The following YIPF7 variants were observed in gnomAD, a reference collection of about 807,000 sequenced individuals.
YIPF7 encodes protein YIPF7.
In YIPF7, 35 loss-of-function variants were observed where a neutral mutation model predicts 27.2. That is an observed-to-expected ratio of 1.29 (90% CI 0.98 to 1.70). The LOEUF (loss-of-function observed/expected upper bound fraction) is 1.70, where lower values mean the gene tolerates loss of function less well. YIPF7 is among the 40% of genes most tolerant of loss of function. YIPF7 has a pLI of 0.00. For missense variants in YIPF7, 358 were observed against 303.7 expected, an observed-to-expected ratio of 1.18 and a Z score of -1.33; for synonymous variants, 137 against 110.4, an observed-to-expected ratio of 1.24 and a Z score of -1.51.
At chr4:44,642,718 T>C (rs1713373549) in intron 2 of YIPF7, among the ~76,000 whole-genome samples, 1 of 152,112 alleles carries the variant, frequency 6.6e-6, no homozygotes, top group South Asian at 2.1e-4. Flanking sequence ...TCATGAGATC[T>C]GATTGTTTAA....
intron 2 of YIPF7, among the ~76,000 whole-genome samples, chr4:44,659,077 T>C (rs979443079): frequency 1.4e-4 from 21 of 152,200 alleles, no homozygotes; most frequent in African/African-American, 5.1e-4. Context: ...TTTGCCTGGG[T>C]TTATCTGCAG....
chr4:44,646,727 G>T (rs77015254), intron 2 of YIPF7, among the ~76,000 whole-genome samples: 133 of 152,226 alleles, frequency 8.7e-4, no homozygotes, highest in African/African-American at 3.1e-3. Context: ...CAGTCACCCA[G>T]CTTTCAGATC....
intron 1 of YIPF7, among the ~76,000 whole-genome samples, chr4:44,650,648 T>C (rs1342917560): frequency 2.0e-5 from 3 of 152,168 alleles, no homozygotes; most frequent in African/African-American, 7.2e-5. Context: ...TTAAAAAGTG[T>C]TTGGAATATT....
intron 4 of YIPF7, among the ~76,000 whole-genome samples, chr4:44,626,091 C>G (rs1464142790): frequency 6.6e-6 from 1 of 152,074 alleles, no homozygotes; most frequent in East Asian, 1.9e-4. Flanking sequence ...AAATTGTTTA[C>G]CTATTCTGAA....
intron 4 of YIPF7, 70 bp downstream of exon 4, chr4:44,629,333 T>C: frequency 2.1e-6 from 3 of 1,403,358 alleles, no homozygotes; most frequent in Admixed American, 3.1e-5. Context: ...CTTATATTTA[T>C]ACAGATTGCT....
intron 2 of YIPF7, among the ~76,000 whole-genome samples, chr4:44,645,502 G>A (rs1349318231): frequency 6.6e-6 from 1 of 152,122 alleles, no homozygotes; most frequent in Non-Finnish European, 1.5e-5. Context: ...TATTTAAGAT[G>A]TCAACGTTAT....
At chr4:44,634,425 C>T (rs1344572393) in intron 3 of YIPF7, among the ~76,000 whole-genome samples, 3 of 151,914 alleles carry the variant, frequency 2.0e-5, no homozygotes, top group Non-Finnish European at 4.4e-5. Context: ...CTCAACTACT[C>T]AGGAGGCTGA....
chr4:44,634,301 A>C (rs1713029210), intron 3 of YIPF7, among the ~76,000 whole-genome samples: 1 of 152,306 alleles, frequency 6.6e-6, no homozygotes, highest in East Asian at 1.9e-4. Flanking sequence ...GGGAGGCTGA[A>C]GCGGGTGGAT....
upstream of YIPF7, among the ~76,000 whole-genome samples, chr4:44,654,097 C>T (rs1002159220): frequency 1.3e-5 from 2 of 151,930 alleles, no homozygotes; most frequent in Non-Finnish European, 2.9e-5. Context: ...TGACTTCAGC[C>T]TCTTTAGAAG....
At position 44,622,230 on chromosome 4, in the gene YIPF7, AG is replaced by A. The variant is rs1205278731; in HGVS notation, c.*183del. On this transcript the variant is annotated 3_prime_UTR_variant, in exon 6 of 6. Coordinates refer to ENST00000415895, the MANE Select transcript of YIPF7 (RefSeq NM_182592.3). Reference sequence around the variant, plus strand: ...AATGTTTTAATGCACCAAACTCAAAAGCAAAACATCATTCAAACCAACAGGC... The same window carrying A: ...AATGTTTTAATGCACCAAACTCAAAACAAAACATCATTCAAACCAACAGGC... The A allele has an allele frequency of 2.8e-6, 2 of 721,606 alleles. No individual in the cohort carries two copies. Among genetic ancestry groups the A allele is most frequent in the East Asian group, 5.6e-5 (2 of 35,874 alleles). 44.7% of individuals were successfully genotyped at this position (721,606 alleles called of 1,614,324 possible).
rs561172269 is a variant in YIPF7, at chr4:44,640,579, CAGTG to C, written c.117-4498_117-4495del. 5.3e-5 allele frequency among the ~76,000 whole-genome samples: 8 copies of C among 152,288 alleles called. No individual in the cohort carries two copies. In the East Asian group the frequency reaches 1.4e-3, roughly 26 times the overall value. ...CAGTCCCAGTGGCCTTAGCCTTGGCCAGTGAGTAAGAGACTTGCTTCCTTCTTAC... is the reference window on the plus strand; with the variant it reads ...CAGTCCCAGTGGCCTTAGCCTTGGCCAGTAAGAGACTTGCTTCCTTCTTAC... On this transcript the variant is annotated intron_variant, in intron 2 of 5. Coordinates refer to ENST00000415895, the MANE Select transcript of YIPF7 (RefSeq NM_182592.3).
intron 2 of YIPF7, among the ~76,000 whole-genome samples, chr4:44,657,324 A>C (rs1713926662): frequency 6.6e-6 from 1 of 152,234 alleles, no homozygotes; most frequent in Non-Finnish European, 1.5e-5. Flanking sequence ...CTTCAAAGGA[A>C]AACTTTCTGC....
chr4:44,661,877 G>C (rs143071038), intron 1 of YIPF7, among the ~76,000 whole-genome samples: 1 of 152,190 alleles, frequency 6.6e-6, no homozygotes, highest in Non-Finnish European at 1.5e-5. Flanking sequence ...CAAGTTAATT[G>C]GTTTTTATCT....
chr4:44,628,276 A>G (rs1157109835), intron 4 of YIPF7, among the ~76,000 whole-genome samples: 3 of 152,174 alleles, frequency 2.0e-5, no homozygotes, highest in Non-Finnish European at 4.4e-5. Flanking sequence ...TTGGATGAAT[A>G]TGACATTATT....
intron 2 of YIPF7, among the ~76,000 whole-genome samples, chr4:44,642,751 C>G (rs1713374617): frequency 6.6e-6 from 1 of 152,134 alleles, no homozygotes; most frequent in South Asian, 2.1e-4. Flanking sequence ...CTTCCCACCT[C>G]TCTCTCGATC....
In YIPF7 at chr4:44,629,523, T is replaced by G; in HGVS notation, c.306A>C (p.Ile102=). Residue 102 remains isoleucine (I), a synonymous_variant, in exon 4 of 6, where the codon ATA becomes ATC. Coordinates refer to ENST00000415895, the MANE Select transcript of YIPF7 (RefSeq NM_182592.3). ...LEELGIHFDH[I]WQKTLTVLNP... ...TTAACACTGTCAAAGTTTTTTGCCA[T>G]ATGTGATCAAAATGGATTCCAAGTT... The G allele has an allele frequency of 6.4e-7, 1 of 1,556,024 alleles. No individual in the cohort carries two copies. Among genetic ancestry groups the G allele is most frequent in the Non-Finnish European group, 8.7e-7 (1 of 1,150,696 alleles).
At chr4:44,656,091 T>C (rs184266648), upstream of YIPF7, among the ~76,000 whole-genome samples, 100 of 152,230 alleles carry the variant, frequency 6.6e-4, no homozygotes, top group Middle Eastern at 3.4e-3. Flanking sequence ...TGCTGAATTC[T>C]TATTAAGTTT....
At chr4:44,653,245 C>A (rs1265405729), upstream of YIPF7, among the ~76,000 whole-genome samples, 1 of 151,766 alleles carries the variant, frequency 6.6e-6, no homozygotes, top group Non-Finnish European at 1.5e-5. Flanking sequence ...GAGGCTGGAC[C>A]AAAAAGGAGC....
intron 2 of YIPF7, among the ~76,000 whole-genome samples, chr4:44,646,143 A>G (rs937234008): frequency 1.3e-5 from 2 of 152,236 alleles, no homozygotes; most frequent in South Asian, 2.1e-4. Context: ...TCCAGAGGCA[A>G]CATAGAATTA....
Sources: allele counts gnomAD v4.1 joint callset (sites outside exome capture counted in the v4.1 genomes callset), GRCh38; gene constraint gnomAD v4.1.1; transcripts MANE v1.5; gene names NCBI Gene and HGNC (gene_info 2026-07-23, HGNC 2026-07-21).